The following TOPBP1 variants were observed in gnomAD, a reference collection of about 807,000 sequenced individuals.
The protein encoded by TOPBP1 is DNA topoisomerase 2-binding protein 1.
A neutral mutation model predicts 167.7 loss-of-function variants in TOPBP1; 28 were observed. The ratio of observed to expected loss-of-function variants is 0.17; its 90% CI spans 0.12 to 0.23. TOPBP1 has a LOEUF of 0.23. Among genes scored for constraint, TOPBP1 ranks in the 10% least tolerant of loss-of-function variants. TOPBP1 has a pLI of 1.00. For missense variants in TOPBP1, 1,554 were observed against 1,809.6 expected, an observed-to-expected ratio of 0.86 and a Z score of 2.56; for synonymous variants, 598 against 611.4, an observed-to-expected ratio of 0.98 and a Z score of 0.32.
At chr3:133,660,669 T>C (rs930402600) in intron 2 of TOPBP1, among the ~76,000 whole-genome samples, 1 of 152,196 alleles carries the variant, frequency 6.6e-6, no homozygotes, top group African/African-American at 2.4e-5. Context: ...TATTATACTG[T>C]ACATAATAAA....
chr3:133,651,601 G>T (rs1936308447), intron 8 of TOPBP1, among the ~76,000 whole-genome samples: 1 of 152,124 alleles, frequency 6.6e-6, no homozygotes, highest in African/African-American at 2.4e-5. Flanking sequence ...TCCAATCTAA[G>T]ACAGCGGAAA....
intron 1 of TOPBP1, 137 bp from the exon 2 acceptor site, chr3:133,661,271 G>A (rs1046103478): frequency 6.4e-6 from 4 of 627,428 alleles, no homozygotes; most frequent in Middle Eastern, 3.1e-4. Context: ...ATTCGTCAAC[G>A]GCATTTCTAA....
At chr3:133,611,692 C>T (rs1280414742) in intron 24 of TOPBP1, among the ~76,000 whole-genome samples, 4 of 152,200 alleles carry the variant, frequency 2.6e-5, no homozygotes, top group Non-Finnish European at 4.4e-5. Context: ...AGCTGGTATA[C>T]TCTAACTGGC....
chr3:133,641,675 G>T (rs1420146582), intron 12 of TOPBP1, among the ~76,000 whole-genome samples: 1 of 152,152 alleles, frequency 6.6e-6, no homozygotes, highest in Non-Finnish European at 1.5e-5. Flanking sequence ...TTTAATAACT[G>T]TTAGGGCTAG....
intron 23 of TOPBP1, among the ~76,000 whole-genome samples, chr3:133,615,718 T>C (rs759628744): frequency 1.3e-5 from 2 of 152,222 alleles, no homozygotes; most frequent in African/African-American, 2.4e-5. Context: ...ACTGATATTT[T>C]ATCTGATCAC....
At chr3:133,614,394 T>G (rs946991925) in intron 23 of TOPBP1, among the ~76,000 whole-genome samples, 5 of 152,170 alleles carry the variant, frequency 3.3e-5, no homozygotes, top group African/African-American at 1.2e-4. Flanking sequence ...CATAACAAAC[T>G]TATTCTGCGA....
Position 133,649,435 on chromosome 3 carries a change from C to T in TOPBP1, c.1452G>A (p.Glu484=). Residue 484 remains glutamate, a synonymous_variant, in exon 10 of 28, where the codon GAG becomes GAA. Transcript: ENST00000260810. ...KKDFAPSEKH[E]QADEDLLSQY... is the part of the protein sequence containing the mutation. The stretch of plus-strand genomic sequence containing the variant: ...GAGAGAGCAGATCTTCATCAGCTTG[C>T]TCATGCTTTTCACTAGGAGCAAAGT... 1 of 1,613,848 alleles carries T rather than the reference C, an allele frequency of 6.2e-7. No homozygotes were observed. Among genetic ancestry groups the T allele is most frequent in the Non-Finnish European group, 8.5e-7 (1 of 1,179,868 alleles).
intron 16 of TOPBP1, among the ~76,000 whole-genome samples, chr3:133,627,856 A>G (rs899057424): frequency 2.0e-5 from 3 of 151,540 alleles, no homozygotes; most frequent in Non-Finnish European, 4.4e-5. Flanking sequence ...AAATCTGACA[A>G]TCTAAGTCTC....
At chr3:133,608,720 C>T (rs1415576187) in intron 26 of TOPBP1, 24 bp from the exon 27 acceptor site, 15 of 1,610,658 alleles carry the variant, frequency 9.3e-6, no homozygotes, top group Non-Finnish European at 1.3e-5. Flanking sequence ...AAGGTAGTAT[C>T]ACAATCTACC....
intron 20 of TOPBP1, among the ~76,000 whole-genome samples, chr3:133,618,948 C>T (rs1034611737): frequency 4.0e-5 from 6 of 151,830 alleles, no homozygotes; most frequent in African/African-American, 4.8e-5. Flanking sequence ...CCAGAGTCTA[C>T]GGTGGAACAG....
chr3:133,650,487 G>A (rs1314333030), intron 8 of TOPBP1, among the ~76,000 whole-genome samples: 1 of 151,950 alleles, frequency 6.6e-6, no homozygotes, highest in Non-Finnish European at 1.5e-5. Context: ...TCACAGAGTT[G>A]ACTGAACAAA....
rs1576672035 is a variant in TOPBP1, at chr3:133,601,379, A to G, written c.4440T>C (p.His1480=). The G allele has an allele frequency of 1.3e-6, 2 of 1,539,942 alleles. No individual in the cohort carries two copies. The highest frequency in any genetic ancestry group is 1.7e-6 in the Non-Finnish European group (2 of 1,143,178). Residue 1480 remains histidine, a synonymous_variant, in exon 28 of 28, where the codon CAT becomes CAC. Coordinates refer to ENST00000260810, the MANE Select transcript of TOPBP1 (RefSeq NM_007027.4). ...ADYLMQESPP[H]VENYCLPEAI... ...CTTCTGGTAGACAGTAATTTTCTACATGAGGAGGTGATTCCTATAAAAGGA... is the reference window on the plus strand; with the variant it reads ...CTTCTGGTAGACAGTAATTTTCTACGTGAGGAGGTGATTCCTATAAAAGGA...
chr3:133,649,386 C>T lies in TOPBP1; in HGVS notation c.1501G>A (p.Val501Ile), dbSNP rs746808489. 6 of 1,612,646 alleles carry T rather than the reference C, an allele frequency of 3.7e-6. No individual in the cohort carries two copies. The highest frequency in any genetic ancestry group is 5.1e-6 in the Non-Finnish European group (6 of 1,179,716). The change falls in exon 10 of 28, where the codon GTA becomes ATA. Residue 501 changes from valine to isoleucine, a missense_variant. Physicochemically the swap from Val to Ile is conservative, Grantham distance 29. Around this residue, in one of 3 missense-constraint regions of TOPBP1, gnomAD observed 1,197 missense variants for 1,351.5 expected, o/e 0.89. Coordinates refer to ENST00000260810, the MANE Select transcript of TOPBP1 (RefSeq NM_007027.4). ...LSQYENGSST[V>I]VEAKTSEARP... ...ATACTAATCAAGCATTTCTTACCTA[C>T]TGTGGAGCTACCATTTTCATATTGA...
chr3:133,608,894 A>C lies in TOPBP1; in HGVS notation c.4242T>G (p.Leu1414=), dbSNP rs778131780. ...AAACCTTTGCTCCTCCTGACTGAAG[A>C]AGGCGTTTGAAGCCTGCTTCTCGAG... ...DQSREAGFKR[L]LQSGGAKVLP... Residue 1414 remains leucine, a synonymous_variant, in exon 26 of 28, where the codon CTT becomes CTG. Coordinates refer to ENST00000260810, the MANE Select transcript of TOPBP1 (RefSeq NM_007027.4). 1.3e-5 allele frequency: 21 copies of C among 1,612,802 alleles called. No individual in the cohort carries two copies. Among genetic ancestry groups the C allele is most frequent in the Non-Finnish European group, 1.8e-5 (21 of 1,179,530 alleles).
intron 26 of TOPBP1, 82 bp from the exon 27 acceptor site, chr3:133,608,778 A>G: frequency 6.4e-7 from 1 of 1,568,066 alleles, no homozygotes; most frequent in Non-Finnish European, 8.6e-7. Flanking sequence ...AAGGATTACC[A>G]TTTCAAAAAG....
intron 16 of TOPBP1, among the ~76,000 whole-genome samples, chr3:133,626,667 G>C (rs1396659656): frequency 6.6e-6 from 1 of 152,130 alleles, no homozygotes; most frequent in African/African-American, 2.4e-5. Context: ...GATTTGTGGT[G>C]CCTTTACATA....
At chr3:133,602,714 CA>C (rs1229801612) in intron 27 of TOPBP1, among the ~76,000 whole-genome samples, 1 of 152,064 alleles carries the variant, frequency 6.6e-6, no homozygotes, top group Non-Finnish European at 1.5e-5. Context: ...CATTATAGTG[CA>C]AAAGCAGCCA....
chr3:133,652,138 T>TA (rs11447866), intron 8 of TOPBP1, among the ~76,000 whole-genome samples: 22,528 of 146,272 alleles, frequency 0.15, 1,926 homozygotes, highest in Non-Finnish European at 0.2. Flanking sequence ...TCAAAAAAAT[T>TA]AAAAAAAAAA....
intron 25 of TOPBP1, among the ~76,000 whole-genome samples, chr3:133,609,440 C>T (rs1295411550): frequency 6.6e-6 from 1 of 152,116 alleles, no homozygotes; most frequent in African/African-American, 2.4e-5. Flanking sequence ...TATCAGAGAA[C>T]TTAGAATACA....
Sources: allele counts gnomAD v4.1 joint callset (sites outside exome capture counted in the v4.1 genomes callset), GRCh38; gene constraint gnomAD v4.1.1; regional missense constraint gnomAD v4.1.1; transcripts MANE v1.5; gene names NCBI Gene and HGNC (gene_info 2026-07-23, HGNC 2026-07-21).